The following SNTG1 variants were observed in gnomAD, a reference collection of about 807,000 sequenced individuals.
The protein encoded by SNTG1 is gamma-1-syntrophin.
A neutral mutation model predicts 74.7 loss-of-function variants in SNTG1; 39 were observed. That is an observed-to-expected ratio of 0.52 (90% CI 0.40 to 0.68). SNTG1 has a LOEUF of 0.68. Ranked by LOEUF, SNTG1 falls within the 30% of genes least tolerant of loss-of-function variation. The pLI, the probability that SNTG1 is intolerant of heterozygous loss-of-function variation, is 0.00. For synonymous variants in SNTG1, 254 were observed against 217.1 expected, an observed-to-expected ratio of 1.17 and a Z score of -1.49; for missense variants, 685 against 609.5, an observed-to-expected ratio of 1.12 and a Z score of -1.30.
rs534725637 is a variant in SNTG1, at chr8:50,402,765, C to T, written c.162+421C>T. On this transcript the variant is annotated intron_variant, in intron 4 of 18. Coordinates refer to ENST00000642720, the MANE Select transcript of SNTG1 (RefSeq NM_018967.5). ...CACTGAATCAGGAGACGTTAGGCAGCGGTCACTGAACTCAGCGTGAGTGGT... is the reference window on the plus strand; with the variant it reads ...CACTGAATCAGGAGACGTTAGGCAGTGGTCACTGAACTCAGCGTGAGTGGT... Among the ~76,000 whole-genome samples, 9 of 152,254 alleles carry T rather than the reference C, an allele frequency of 5.9e-5. No homozygotes were observed. The South Asian group carries it at 8.3e-4, about 14-fold the overall frequency.
At chr8:50,182,161 C>T (rs2083228322) in intron 2 of SNTG1, among the ~76,000 whole-genome samples, 1 of 152,056 alleles carries the variant, frequency 6.6e-6, no homozygotes, top group Non-Finnish European at 1.5e-5. Flanking sequence ...GCATGAGCAC[C>T]CCAGTCTAAA....
At chr8:50,235,476 T>G (rs1182402279) in intron 2 of SNTG1, among the ~76,000 whole-genome samples, 2 of 152,146 alleles carry the variant, frequency 1.3e-5, no homozygotes, top group Non-Finnish European at 2.9e-5. Context: ...ATTTTATCTG[T>G]CAATTTAAAA....
intron 2 of SNTG1, among the ~76,000 whole-genome samples, chr8:50,304,628 CA>C (rs571958747): frequency 6.6e-5 from 10 of 151,538 alleles, no homozygotes; most frequent in Non-Finnish European, 1.5e-4. Context: ...CATTACAGAA[CA>C]AAAAAAAGTA....
chr8:50,204,025 C>A (rs1194485234), intron 2 of SNTG1, among the ~76,000 whole-genome samples: 1 of 151,770 alleles, frequency 6.6e-6, no homozygotes, highest in African/African-American at 2.4e-5. Flanking sequence ...CATAATGATA[C>A]CCCCTGGAAA....
intron 2 of SNTG1, among the ~76,000 whole-genome samples, chr8:50,341,894 A>G (rs1408055250): frequency 1.3e-5 from 2 of 152,086 alleles, no homozygotes; most frequent in Non-Finnish European, 2.9e-5. Context: ...ATTTTGAACT[A>G]TGCCAGAAAA....
intron 1 of SNTG1, among the ~76,000 whole-genome samples, chr8:49,997,376 T>C (rs1814329501): frequency 1.3e-5 from 2 of 152,118 alleles, no homozygotes; most frequent in Admixed American, 6.6e-5. Flanking sequence ...ATATTGTTAT[T>C]TTTTCAATCA....
At chr8:50,183,944 G>A (rs747706921) in intron 2 of SNTG1, among the ~76,000 whole-genome samples, 15 of 151,974 alleles carry the variant, frequency 9.9e-5, no homozygotes, top group Non-Finnish European at 1.8e-4. Flanking sequence ...TACCAAACTA[G>A]CTGCATTTAT....
chr8:50,155,649 C>T (rs1174536954), intron 1 of SNTG1, among the ~76,000 whole-genome samples: 1 of 151,744 alleles, frequency 6.6e-6, no homozygotes, highest in African/African-American at 2.4e-5. Context: ...AGATAATAAA[C>T]ATTTGTAAGA....
intron 2 of SNTG1, among the ~76,000 whole-genome samples, chr8:50,231,423 T>A (rs1172506255): frequency 1.3e-5 from 2 of 151,402 alleles, no homozygotes; most frequent in Admixed American, 1.3e-4. Context: ...CAAATAGATG[T>A]CTGAACTCAT....
chr8:50,243,018 G>GT (rs1563788472), intron 2 of SNTG1, among the ~76,000 whole-genome samples: 1 of 151,994 alleles, frequency 6.6e-6, no homozygotes, highest in East Asian at 1.9e-4. Flanking sequence ...TTTTGAAATA[G>GT]TTTTTTGAAT....
chr8:50,473,361 T>C (rs1388959027), intron 8 of SNTG1, among the ~76,000 whole-genome samples: 1 of 152,170 alleles, frequency 6.6e-6, no homozygotes, highest in Non-Finnish European at 1.5e-5. Context: ...CAATTAAACC[T>C]CTTTCCCTTA....
intron 1 of SNTG1, among the ~76,000 whole-genome samples, chr8:50,016,217 C>T (rs919059891): frequency 6.6e-6 from 1 of 152,044 alleles, no homozygotes; most frequent in African/African-American, 2.4e-5. Flanking sequence ...TGGTAGTCAC[C>T]AGTTTTCATA....
chr8:50,145,317 T>C (rs12544986), intron 1 of SNTG1, among the ~76,000 whole-genome samples: 42,157 of 152,106 alleles, frequency 0.28, 5,964 homozygotes, highest in Middle Eastern at 0.4. Context: ...CAAATATATA[T>C]AGCTAGATGG....
At chr8:50,339,365 T>TA (rs967596251) in intron 2 of SNTG1, among the ~76,000 whole-genome samples, 3 of 151,858 alleles carry the variant, frequency 2.0e-5, no homozygotes, top group Non-Finnish European at 4.4e-5. Context: ...AAAAGAGAAT[T>TA]AAAAAATAAA....
intron 13 of SNTG1, among the ~76,000 whole-genome samples, chr8:50,624,552 A>C (rs1196045635): frequency 6.6e-6 from 1 of 152,046 alleles, no homozygotes; most frequent in African/African-American, 2.4e-5. Context: ...TAAGAAAGTT[A>C]CCTTGGTAGT....
intron 15 of SNTG1, among the ~76,000 whole-genome samples, chr8:50,699,449 A>G (rs1585574810): frequency 1.3e-5 from 2 of 152,262 alleles, no homozygotes; most frequent in South Asian, 2.1e-4. Flanking sequence ...GATTGTCTAC[A>G]CACCATTGTC....
intron 1 of SNTG1, among the ~76,000 whole-genome samples, chr8:50,171,134 A>G (rs1485835094): frequency 6.6e-6 from 1 of 152,210 alleles, no homozygotes; most frequent in African/African-American, 2.4e-5. Context: ...TCCACAGCCA[A>G]GAGGCATTTC....
chr8:50,669,892 CA>C (rs1465542709), intron 15 of SNTG1, among the ~76,000 whole-genome samples: 5 of 151,918 alleles, frequency 3.3e-5, no homozygotes, highest in African/African-American at 9.7e-5. Flanking sequence ...TCAATATAGG[CA>C]AATCAATAAA....
At chr8:50,505,504 T>C (rs889024404) in intron 9 of SNTG1, among the ~76,000 whole-genome samples, 1 of 152,196 alleles carries the variant, frequency 6.6e-6, no homozygotes, top group Non-Finnish European at 1.5e-5. Context: ...TCTTATTTTC[T>C]GTTTTTTTGC....
Sources: allele counts gnomAD v4.1 joint callset (sites outside exome capture counted in the v4.1 genomes callset), GRCh38; gene constraint gnomAD v4.1.1; transcripts MANE v1.5; gene names NCBI Gene and HGNC (gene_info 2026-07-23, HGNC 2026-07-21).